Variants in DLGAP2 observed in about 807,000 individuals in gnomAD.
DLGAP2 encodes disks large-associated protein 2.
Under a neutral mutation model 100.3 loss-of-function variants are expected in DLGAP2, and 26 were observed. The observed-to-expected ratio is 0.26, with a 90% CI of 0.19 to 0.36. The LOEUF (loss-of-function observed/expected upper bound fraction) is 0.36. Ranked by LOEUF, DLGAP2 falls within the 10% of genes least tolerant of loss-of-function variation. The probability of loss-of-function intolerance (pLI) is 1.00; values close to 1 mark genes in which losing one functional copy is unlikely to be tolerated. For missense variants in DLGAP2, 1,858 were observed against 1,453.2 expected, an observed-to-expected ratio of 1.28 and a Z score of -4.53; for synonymous variants, 886 against 630.1, an observed-to-expected ratio of 1.41 and a Z score of -6.08.
intron 2 of DLGAP2, among the ~76,000 whole-genome samples, chr8:1,168,194 C>T (rs1040547481): frequency 6.6e-6 from 1 of 151,760 alleles, no homozygotes; most frequent in Non-Finnish European, 1.5e-5. Context: ...ATCCATGTCC[C>T]TAGAAAGGAC....
intron 2 of DLGAP2, among the ~76,000 whole-genome samples, chr8:1,222,804 C>G (rs1325532823): frequency 2.6e-5 from 4 of 152,050 alleles, no homozygotes; most frequent in African/African-American, 9.7e-5. Flanking sequence ...TGTTGCTGTG[C>G]TGCAAGTGGG....
intron 2 of DLGAP2, among the ~76,000 whole-genome samples, chr8:1,199,824 G>A (rs1323533604): frequency 6.7e-6 from 1 of 148,476 alleles, no homozygotes; most frequent in Non-Finnish European, 1.5e-5. Context: ...CAGTGAAGAG[G>A]GAAAAAAAAT....
At chr8:1,617,242 CAAT>C (rs1462992303) in intron 6 of DLGAP2, among the ~76,000 whole-genome samples, 1 of 152,174 alleles carries the variant, frequency 6.6e-6, no homozygotes, top group Non-Finnish European at 1.5e-5. Flanking sequence ...TGTGTATACA[CAAT>C]AATGGGATTG....
At chr8:1,540,236 A>T (rs1279183797) in intron 4 of DLGAP2, among the ~76,000 whole-genome samples, 1 of 152,182 alleles carries the variant, frequency 6.6e-6, no homozygotes, top group Non-Finnish European at 1.5e-5. Context: ...ACATGGGGTG[A>T]TGAGCCCCTT....
chr8:1,189,221 C>A (rs1325128800), intron 2 of DLGAP2, among the ~76,000 whole-genome samples: 1 of 145,154 alleles, frequency 6.9e-6, no homozygotes, highest in Non-Finnish European at 1.5e-5. Flanking sequence ...GGGCCCCAGG[C>A]CGGTTCCGCG....
chr8:934,666 C>G (rs547385872), intron 2 of DLGAP2, among the ~76,000 whole-genome samples: 1 of 151,978 alleles, frequency 6.6e-6, no homozygotes, highest in South Asian at 2.1e-4. Context: ...GGTGCAGATG[C>G]GGAAACTCAT....
At chr8:814,039 G>A (rs979395822) in intron 1 of DLGAP2, among the ~76,000 whole-genome samples, 2 of 152,258 alleles carry the variant, frequency 1.3e-5, no homozygotes, top group East Asian at 1.9e-4. Flanking sequence ...AAGCTTAAAG[G>A]AGGGACTGGA....
At chr8:803,730 A>G (rs563800737) in intron 1 of DLGAP2, among the ~76,000 whole-genome samples, 1 of 152,336 alleles carries the variant, frequency 6.6e-6, no homozygotes, top group East Asian at 1.9e-4. Flanking sequence ...ATGTTTTACT[A>G]TTTTAGCCAG....
rs377239325 is a variant in DLGAP2, at chr8:1,392,622, A to C, written c.107-108744A>C. ...CTTTGCATTTTAACTGTGACCCTAC[A>C]TGGTGTGGAAACCCGTGGGGAGTCC... On this transcript the variant is annotated intron_variant, in intron 3 of 14. Transcript: ENST00000637795. 2.6e-5 allele frequency among the ~76,000 whole-genome samples: 4 copies of C among 152,310 alleles called. No individual in the cohort carries two copies. In the East Asian group the frequency reaches 7.7e-4, roughly 29 times the overall value.
chr8:1,342,936 C>G (rs944825107), intron 3 of DLGAP2, among the ~76,000 whole-genome samples: 5 of 150,196 alleles, frequency 3.3e-5, no homozygotes, highest in Admixed American at 2.7e-4. Context: ...CCAGCTGTTT[C>G]TCTTTTTCCG....
rs1051303118 is a variant in DLGAP2 at position 895,667 on chromosome 8, G to T, written c.19-12245G>T. ...GACTTAGGGTTCACGAGGTTTATGA[G>T]AGCCCTTTCGGTGGTGGTGTGAAGG... On this transcript the variant is annotated intron_variant, in intron 1 of 14. Transcript: ENST00000637795. Among the ~76,000 whole-genome samples, 7 of 152,228 alleles carry T rather than the reference G, an allele frequency of 4.6e-5. No individual in the cohort carries two copies. The East Asian group carries it at 1.3e-3, about 29-fold the overall frequency.
At chr8:1,205,794 C>G (rs952144582) in intron 2 of DLGAP2, among the ~76,000 whole-genome samples, 9 of 152,064 alleles carry the variant, frequency 5.9e-5, no homozygotes, top group South Asian at 2.1e-4. Context: ...TCATGGAGTC[C>G]TAGGAGGACT....
chr8:1,011,421 C>T (rs1029786280), intron 2 of DLGAP2, among the ~76,000 whole-genome samples: 8 of 148,268 alleles, frequency 5.4e-5, no homozygotes, highest in Admixed American at 5.4e-4. Context: ...ACACAGTGAG[C>T]CCTGGAATGA....
intron 3 of DLGAP2, among the ~76,000 whole-genome samples, chr8:1,434,547 G>A (rs1054565183): frequency 6.6e-6 from 1 of 152,196 alleles, no homozygotes; most frequent in South Asian, 2.1e-4. Context: ...TACAATCTTG[G>A]CTCACTGCAG....
At chr8:797,785 T>G (rs1276020120) in intron 1 of DLGAP2, among the ~76,000 whole-genome samples, 4 of 152,152 alleles carry the variant, frequency 2.6e-5, no homozygotes, top group African/African-American at 9.7e-5. Flanking sequence ...AGTTTCACTC[T>G]TATTGCCCAG....
At chr8:920,213 C>T (rs994494822) in intron 2 of DLGAP2, among the ~76,000 whole-genome samples, 2 of 152,200 alleles carry the variant, frequency 1.3e-5, no homozygotes, top group Non-Finnish European at 2.9e-5. Context: ...TGCCCAGGGT[C>T]GTGCTGGGCT....
intron 2 of DLGAP2, among the ~76,000 whole-genome samples, chr8:1,071,476 G>T (rs1211169347): frequency 6.6e-6 from 1 of 152,132 alleles, no homozygotes; most frequent in Non-Finnish European, 1.5e-5. Context: ...TACCAGTCAG[G>T]AGAACACTTG....
chr8:1,111,547 C>A (rs1286782347), intron 2 of DLGAP2, among the ~76,000 whole-genome samples: 1 of 152,138 alleles, frequency 6.6e-6, no homozygotes, highest in Non-Finnish European at 1.5e-5. Flanking sequence ...ATGGTCCCCT[C>A]CCCGCTCCCA....
chr8:1,493,374 G>A (rs1321729030), intron 3 of DLGAP2, among the ~76,000 whole-genome samples: 1 of 152,012 alleles, frequency 6.6e-6, no homozygotes, highest in African/African-American at 2.4e-5. Flanking sequence ...CTCCATCTCC[G>A]CAGCTCTGAG....
Sources: gnomAD v4.1 joint callset for allele counts (sites outside exome capture counted in the v4.1 genomes callset) on GRCh38, gnomAD v4.1.1 for gene constraint, MANE v1.5 for transcripts, NCBI Gene and HGNC (gene_info 2026-07-23, HGNC 2026-07-21) for gene names.